The following MAN2B2 variants were observed in gnomAD, a reference collection of about 807,000 sequenced individuals.
The protein encoded by MAN2B2 is epididymis-specific alpha-mannosidase.
In MAN2B2, 106 loss-of-function variants were observed where a neutral mutation model predicts 117.1. That is an observed-to-expected ratio of 0.90 (90% confidence interval 0.77 to 1.06). The LOEUF is 1.06. MAN2B2 is among the 50% of genes least tolerant of loss of function. MAN2B2 has a pLI of 0.00. For missense variants in MAN2B2, 1,326 were observed against 1,381.4 expected (o/e 0.96, Z 0.64); for synonymous variants, 544 against 595.1 (o/e 0.91, Z 1.25).
chr4:6,592,762 A>T (rs1160104181), intron 5 of MAN2B2, among the ~76,000 whole-genome samples: 2 of 152,186 alleles, frequency 1.3e-5, no homozygotes, highest in Non-Finnish European at 2.9e-5. Context: ...ACAGAGAAAG[A>T]TGTTAAATAC....
chr4:6,612,788 G>A (rs1685497982), intron 15 of MAN2B2, among the ~76,000 whole-genome samples: 1 of 152,244 alleles, frequency 6.6e-6, no homozygotes, highest in South Asian at 2.1e-4. Context: ...CCTCACTCTG[G>A]TCTCTGTTGG....
chr4:6,577,216 C>G (rs2108855139), intron 2 of MAN2B2, among the ~76,000 whole-genome samples: 1 of 152,256 alleles, frequency 6.6e-6, no homozygotes, highest in African/African-American at 2.4e-5. Context: ...CAGCCTGGGT[C>G]CCATCCTGCT....
At chr4:6,586,742 CAG>C (rs1005626304) in intron 3 of MAN2B2, among the ~76,000 whole-genome samples, 2 of 152,192 alleles carry the variant, frequency 1.3e-5, no homozygotes, top group Non-Finnish European at 2.9e-5. Context: ...GGTTGTATAA[CAG>C]TGTGAATGTA....
chr4:6,604,945 G>A, intron 10 of MAN2B2, 110 bp from the exon 11 acceptor site: 2 of 1,309,856 alleles, frequency 1.5e-6, no homozygotes, highest in East Asian at 2.3e-5. Flanking sequence ...GGAGAAATCG[G>A]CAGGATCCGA....
chr4:6,595,367 C>G (rs1727039065), intron 7 of MAN2B2, among the ~76,000 whole-genome samples: 1 of 152,250 alleles, frequency 6.6e-6, no homozygotes, highest in Admixed American at 6.5e-5. Flanking sequence ...CTGCCCAGCA[C>G]AGAGGCAGGG....
intron 1 of MAN2B2, among the ~76,000 whole-genome samples, chr4:6,575,729 G>A (rs11725108): frequency 0.028 from 4,273 of 152,268 alleles, 75 homozygotes; most frequent in Non-Finnish European, 0.045. Context: ...CTGCGGGGCT[G>A]AATATTGGAG....
chr4:6,579,099 G>T (rs202012505), intron 3 of MAN2B2, among the ~76,000 whole-genome samples: 1,789 of 21,788 alleles, frequency 0.082, 55 homozygotes, highest in South Asian at 0.18. Flanking sequence ...ACCATCACCA[G>T]CACCACCACC....
At chr4:6,578,014 GGT>G (rs1726134529) in intron 2 of MAN2B2, among the ~76,000 whole-genome samples, 1 of 152,218 alleles carries the variant, frequency 6.6e-6, no homozygotes, top group Non-Finnish European at 1.5e-5. Flanking sequence ...GGGCAACAAA[GGT>G]GTTATGTGTG....
At chr4:6,579,301 T>TCACCACCACCACCAC (rs1726299584) in intron 3 of MAN2B2, among the ~76,000 whole-genome samples, 1 of 15,808 alleles carries the variant, frequency 6.3e-5, no homozygotes. Flanking sequence ...ACCACCACCA[T>TCACCACCACCACCAC]CACCACCACC....
intron 16 of MAN2B2, among the ~76,000 whole-genome samples, chr4:6,615,002 C>T (rs1455809977): frequency 6.6e-6 from 1 of 152,224 alleles, no homozygotes; most frequent in Non-Finnish European, 1.5e-5. Context: ...GCTGCACCTC[C>T]TCTGCCCCCT....
rs773607740 is a variant in MAN2B2 at position 6,598,289 on chromosome 4, G to T, written c.1340G>T (p.Arg447Leu). The change falls in exon 9 of 19, where the codon CGC becomes CTC. Residue 447 changes from arginine to leucine, a missense_variant. Physicochemically the swap from Arg to Leu is moderately radical, Grantham distance 102 (BLOSUM62 -2). Coordinates refer to ENST00000285599, the MANE Select transcript of MAN2B2 (RefSeq NM_015274.3). ...THLASGMLGM[R>L]KLMASIVLDE... is the part of the protein sequence containing the mutation. The stretch of plus-strand genomic sequence containing the variant: ...CTGGCCTCGGGGATGCTGGGCATGC[G>T]CAAGCTGATGGCCTCCATCGTCCTA... 6.8e-6 allele frequency: 11 copies of T among 1,613,484 alleles called. No homozygotes were observed. In the Middle Eastern group the frequency reaches 6.6e-4, roughly 97 times the overall value.
rs764592035 is a variant in MAN2B2, at chr4:6,610,902, C to T, written c.2282C>T (p.Ser761Leu). The change falls in exon 14 of 19, where the codon TCG becomes TTG. Residue 761 changes from serine (S) to leucine (L), a missense_variant. By Grantham distance (145) the Ser-to-Leu change is moderately radical (BLOSUM62 -2). Transcript: ENST00000285599. ...CAGAATTACTACCCCATGGTTCAGT[C>T]GGCCTTCATGGAGGATGGCAAAAGC... ...IARNYYPMVQSAFMEDGKSRL... is the reference protein window; with the variant it reads ...IARNYYPMVQLAFMEDGKSRL... 46 of 1,614,156 alleles carry T rather than the reference C, an allele frequency of 2.8e-5. No homozygotes were observed. Among genetic ancestry groups the T allele is most frequent in the East Asian group, 6.7e-5 (3 of 44,886 alleles).
At chr4:6,615,565 G>A (rs1198325897) in intron 16 of MAN2B2, among the ~76,000 whole-genome samples, 4 of 152,092 alleles carry the variant, frequency 2.6e-5, no homozygotes, top group African/African-American at 7.2e-5. Context: ...GGGAGGCCGA[G>A]GTAGCAGGAT....
At chr4:6,579,346 CCATCACCACCACCATCACCAT>C (rs1726315004) in intron 3 of MAN2B2, among the ~76,000 whole-genome samples, 1 of 75,790 alleles carries the variant, frequency 1.3e-5, no homozygotes, top group Admixed American at 1.3e-4. Flanking sequence ...ACCACCATCA[CCATCACCACCACCATCACCAT>C]CACCACCACC....
At chr4:6,593,109 G>C (rs1050950181) in intron 5 of MAN2B2, 64 bp from the exon 6 acceptor site, 3 of 1,528,206 alleles carry the variant, frequency 2.0e-6, no homozygotes, top group African/African-American at 2.8e-5. Flanking sequence ...CATGGCACTT[G>C]GGTGTGAGCC....
At chr4:6,609,347 G>A (rs1014151541) in intron 12 of MAN2B2, 49 bp downstream of exon 12, 29 of 1,567,010 alleles carry the variant, frequency 1.9e-5, no homozygotes, top group African/African-American at 8.1e-5. Context: ...GTCAGCGCAC[G>A]CGTGCAGGCA....
intron 16 of MAN2B2, among the ~76,000 whole-genome samples, chr4:6,615,199 C>T (rs1163726444): frequency 6.6e-6 from 1 of 152,128 alleles, no homozygotes; most frequent in African/African-American, 2.4e-5. Flanking sequence ...AGTTCAAGAC[C>T]AGCCTGGGCA....
At chr4:6,606,737 G>A (rs564542584) in intron 11 of MAN2B2, among the ~76,000 whole-genome samples, 1 of 152,318 alleles carries the variant, frequency 6.6e-6, no homozygotes, top group Admixed American at 6.5e-5. Flanking sequence ...AGGAGCTGTT[G>A]GTATTCAGAG....
In MAN2B2 at chr4:6,614,340, C is replaced by T; in HGVS notation, c.2686C>T (p.Gln896Ter). The change falls in exon 16 of 19, where the codon CAG becomes TAG. Residue 896 changes from glutamine (Q) to a stop codon, truncating the protein, a stop_gained. Transcript: ENST00000285599. LOFTEE classifies it high-confidence loss of function. The stretch of plus-strand genomic sequence containing the variant: ...CAGCTCCAACCACACGGAGCACTCT[C>T]AGAATCTCCGGAAAGGTGAGGCAGG... ...RYSSNHTEHS[Q>*]NLRKGHRGEA... The T allele has an allele frequency of 6.2e-7, 1 of 1,614,010 alleles. No homozygotes were observed.
Sources: gnomAD v4.1 joint callset for allele counts (sites outside exome capture counted in the v4.1 genomes callset) on GRCh38, gnomAD v4.1.1 for gene constraint, MANE v1.5 for transcripts, NCBI Gene and HGNC (gene_info 2026-07-23, HGNC 2026-07-21) for gene names.